SLC7A7: variants seen among roughly 807,000 people sequenced by gnomAD.
SLC7A7 encodes solute carrier family 7 member 7.
Under a neutral mutation model 47.9 loss-of-function variants are expected in SLC7A7, and 39 were observed. The ratio of observed to expected loss-of-function variants is 0.81; its 90% CI spans 0.63 to 1.06. SLC7A7 has a LOEUF of 1.06. Among genes scored for constraint, SLC7A7 ranks in the 50% least tolerant of loss-of-function variants. The pLI is 0.00. For synonymous variants in SLC7A7, 234 were observed against 242.8 expected (o/e 0.96, Z 0.34); for missense variants, 588 against 632.0 (o/e 0.93, Z 0.75).
At chr14:22,791,886 G>C (rs554205870) in intron 2 of SLC7A7, among the ~76,000 whole-genome samples, 26 of 149,604 alleles carry the variant, frequency 1.7e-4, no homozygotes, top group African/African-American at 5.9e-4. Flanking sequence ...CCAGGCTGGA[G>C]TGCAGTGGCG....
intron 7 of SLC7A7, 43 bp downstream of exon 7, chr14:22,775,401 C>A (rs980824268): frequency 6.7e-7 from 1 of 1,485,112 alleles, no homozygotes; most frequent in African/African-American, 1.4e-5. Flanking sequence ...ACTAAAGTTT[C>A]CCCCGCAATC....
At chr14:22,796,740 T>C (rs1418966344) in intron 2 of SLC7A7, among the ~76,000 whole-genome samples, 1 of 152,132 alleles carries the variant, frequency 6.6e-6, no homozygotes, top group Non-Finnish European at 1.5e-5. Context: ...CATGTCCACC[T>C]GTGAACAGTG....
intron 2 of SLC7A7, among the ~76,000 whole-genome samples, chr14:22,800,535 C>T (rs768512606): frequency 2.0e-4 from 30 of 152,318 alleles, no homozygotes; most frequent in Admixed American, 3.3e-4. Flanking sequence ...TCATTCTGGA[C>T]GCTTTCAGCT....
intron 4 of SLC7A7, among the ~76,000 whole-genome samples, chr14:22,777,214 C>T (rs1256720908): frequency 1.3e-4 from 20 of 149,510 alleles, no homozygotes; most frequent in Admixed American, 1.3e-3. Flanking sequence ...TCATAACGCA[C>T]AGGAAAATGG....
intron 2 of SLC7A7, among the ~76,000 whole-genome samples, chr14:22,784,380 G>A (rs1035835791): frequency 2.0e-5 from 3 of 152,196 alleles, no homozygotes; most frequent in Non-Finnish European, 2.9e-5. Context: ...AGCACTTTGG[G>A]AGGCCGAGGT....
At chr14:22,779,156 T>C (rs993757070) in intron 3 of SLC7A7, among the ~76,000 whole-genome samples, 1 of 152,170 alleles carries the variant, frequency 6.6e-6, no homozygotes, top group Admixed American at 6.5e-5. Context: ...TAGATGGGGA[T>C]CTTGACAGGA....
chr14:22,775,380 C>T, intron 7 of SLC7A7, 64 bp downstream of exon 7: 1 of 1,263,440 alleles, frequency 7.9e-7, no homozygotes, highest in Non-Finnish European at 1.2e-6. Context: ...AGAACAGTCG[C>T]TTCTGCTGTT....
upstream of SLC7A7, chr14:22,816,577 G>C (rs879446614): frequency 2.0e-5 from 3 of 152,162 alleles, no homozygotes; most frequent in Admixed American, 1.3e-4. Context: ...GACAGGCCCA[G>C]AACAGGCAGA....
chr14:22,777,118 T>C (rs1594946313), intron 4 of SLC7A7, among the ~76,000 whole-genome samples: 1 of 121,542 alleles, frequency 8.2e-6, no homozygotes, highest in African/African-American at 3.3e-5. Flanking sequence ...CACTCCAGCC[T>C]GGGCAAGGCA....
At chr14:22,776,448 A>G (rs1183821471) in intron 4 of SLC7A7, 130 bp from the exon 5 acceptor site, 3 of 1,228,262 alleles carry the variant, frequency 2.4e-6, no homozygotes, top group African/African-American at 3.0e-5. Flanking sequence ...TCCTCAATGC[A>G]TTTGTCTTTG....
intron 4 of SLC7A7, among the ~76,000 whole-genome samples, chr14:22,777,745 T>C (rs1409652771): frequency 6.6e-6 from 1 of 152,222 alleles, no homozygotes; most frequent in Admixed American, 6.5e-5. Context: ...CAAAAGGAGT[T>C]TATTGGTATA....
intron 2 of SLC7A7, among the ~76,000 whole-genome samples, chr14:22,788,243 C>T (rs2038855622): frequency 6.6e-6 from 1 of 152,082 alleles, no homozygotes; most frequent in African/African-American, 2.4e-5. Flanking sequence ...TGAGAATTTG[C>T]CACGAACCTC....
At chr14:22,811,392 T>C (rs537654104) in intron 2 of SLC7A7, among the ~76,000 whole-genome samples, 1 of 152,186 alleles carries the variant, frequency 6.6e-6, no homozygotes, top group South Asian at 2.1e-4. Context: ...CTCTCCCAGG[T>C]TGGAAGGGCA....
intron 2 of SLC7A7, among the ~76,000 whole-genome samples, chr14:22,801,040 C>T (rs1242574019): frequency 6.6e-6 from 1 of 152,158 alleles, no homozygotes; most frequent in Non-Finnish European, 1.5e-5. Flanking sequence ...GGGACCCTGA[C>T]CTAGAACTGT....
Position 22,774,517 on chromosome 14 carries a change from C to G in SLC7A7, c.1096-14G>C, listed in dbSNP as rs1174010226. On this transcript the variant is annotated splice_polypyrimidine_tract_variant and intron_variant, in intron 7 of 9. Coordinates refer to ENST00000674313, the MANE Select transcript of SLC7A7 (RefSeq NM_003982.4). ...TGCCATGATACCCTGTAAGCGTGAG[C>G]CTAAGTCAGCTCTTCTCAGGGCCTT... The G allele has an allele frequency of 6.2e-7, 1 of 1,614,112 alleles. No homozygotes were observed. The highest frequency in any genetic ancestry group is 1.1e-5 in the South Asian group (1 of 91,076).
intron 2 of SLC7A7, among the ~76,000 whole-genome samples, chr14:22,800,860 A>C (rs998438588): frequency 6.6e-6 from 1 of 152,020 alleles, no homozygotes; most frequent in Non-Finnish European, 1.5e-5. Context: ...AATTGCTTGA[A>C]TCTGAGAGGT....
In SLC7A7 at chr14:22,795,448, TATTC is replaced by T. The variant is rs1566453890; in HGVS notation, c.500-15401_500-15398del. On this transcript the variant is annotated intron_variant, in intron 2 of 9. Transcript: ENST00000674313. ...TTTCTTTCTTTCTTTCTTTCTTTTC[TATTC>T]TTTTCTTTTCTTTTCTTTTCTTTTC... Among the ~76,000 whole-genome samples, 9 of 57,350 alleles carry T rather than the reference TATTC, an allele frequency of 1.6e-4. No individual in the cohort carries two copies. The East Asian group carries it at 3.7e-3, about 23-fold the overall frequency. The allele number at this position is 57,350 out of a possible 152,430, so 37.6% of individuals were successfully genotyped here. A position where few individuals can be genotyped will look rare whatever the true frequency, so the allele number is the denominator to read the frequency against.
intron 2 of SLC7A7, among the ~76,000 whole-genome samples, chr14:22,800,396 C>T (rs781214148): frequency 5.9e-4 from 90 of 152,170 alleles, no homozygotes; most frequent in African/African-American, 1.6e-3. Context: ...GGTCTGTACC[C>T]CTCTTCTCGA....
chr14:22,790,871 G>T (rs889598450), intron 2 of SLC7A7, among the ~76,000 whole-genome samples: 1 of 151,802 alleles, frequency 6.6e-6, no homozygotes, highest in Non-Finnish European at 1.5e-5. Flanking sequence ...GGTGGTGTGC[G>T]CCTGTAGTCC....
Sources: gnomAD v4.1 joint callset for allele counts (sites outside exome capture counted in the v4.1 genomes callset) on GRCh38, gnomAD v4.1.1 for gene constraint, MANE v1.5 for transcripts, NCBI Gene and HGNC (gene_info 2026-07-23, HGNC 2026-07-21) for gene names.